CCDC7: variants seen among roughly 807,000 people sequenced by gnomAD.
The protein encoded by CCDC7 is coiled-coil domain containing 7, also known as coiled-coil domain-containing protein 7.
CCDC7 carries 183 observed loss-of-function variants against 196.9 expected under a neutral mutation model. The ratio of observed to expected loss-of-function variants is 0.93; its 90% CI spans 0.82 to 1.05. CCDC7 has a LOEUF of 1.05. Ranked by LOEUF, CCDC7 falls within the 50% of genes least tolerant of loss-of-function variation. The pLI, the probability that CCDC7 is intolerant of heterozygous loss-of-function variation, is 0.00. For missense variants in CCDC7, 1,540 were observed against 1,482.2 expected (o/e 1.04, Z -0.64); for synonymous variants, 525 against 484.6 (o/e 1.08, Z -1.10).
intron 5 of CCDC7, among the ~76,000 whole-genome samples, chr10:32,464,145 T>C (rs1171346752): frequency 6.6e-6 from 1 of 152,178 alleles, no homozygotes; most frequent in Non-Finnish European, 1.5e-5. Context: ...GACTTCCTCA[T>C]CTCCAAAGAT....
chr10:32,676,460 A>C (rs1345240796), intron 21 of CCDC7, among the ~76,000 whole-genome samples: 1 of 151,198 alleles, frequency 6.6e-6, no homozygotes, highest in African/African-American at 2.4e-5. Context: ...AAATTTTCGC[A>C]ACCTACTCAT....
chr10:32,723,906 G>A (rs571709876), intron 25 of CCDC7, among the ~76,000 whole-genome samples: 60 of 151,998 alleles, frequency 3.9e-4, no homozygotes, highest in Non-Finnish European at 8.2e-4. Context: ...GCTAACACTA[G>A]TAACTGGGTG....
intron 12 of CCDC7, 110 bp from the exon 14 acceptor site, chr10:32,544,137 T>TA (rs2052002101): frequency 2.2e-6 from 2 of 897,898 alleles, no homozygotes; most frequent in Admixed American, 2.9e-5. Context: ...ATGAATTTTT[T>TA]TAAAAAAACT....
At chr10:32,485,284 A>T (rs973636214) in intron 8 of CCDC7, among the ~76,000 whole-genome samples, 26 of 152,136 alleles carry the variant, frequency 1.7e-4, no homozygotes, top group Non-Finnish European at 3.4e-4. Context: ...ATTTGCATAG[A>T]GGTGTTTATA....
chr10:32,713,889 T>C (rs2081208921), intron 25 of CCDC7, among the ~76,000 whole-genome samples: 1 of 152,248 alleles, frequency 6.6e-6, no homozygotes, highest in South Asian at 2.1e-4. Flanking sequence ...CTGATTGACA[T>C]GACCTTAGGA....
chr10:32,680,405 T>C (rs2075689604), intron 21 of CCDC7, among the ~76,000 whole-genome samples: 1 of 151,622 alleles, frequency 6.6e-6, no homozygotes. Flanking sequence ...TGTTGGCCCA[T>C]AGGGACACAC....
chr10:32,578,514 A>G (rs2058443052), intron 16 of CCDC7, among the ~76,000 whole-genome samples: 1 of 151,376 alleles, frequency 6.6e-6, no homozygotes, highest in Non-Finnish European at 1.5e-5. Flanking sequence ...GATGGGAGAC[A>G]GTGACAGATC....
At chr10:32,848,450 A>C in intron 38 of CCDC7, 146 bp from the exon 40 acceptor site, 2 of 604,430 alleles carry the variant, frequency 3.3e-6, no homozygotes, top group Non-Finnish European at 5.7e-6. Flanking sequence ...CTACACAGAA[A>C]TTTAAGTAAT....
At chr10:32,762,781 A>T (rs1389826820) in intron 28 of CCDC7, among the ~76,000 whole-genome samples, 1 of 151,882 alleles carries the variant, frequency 6.6e-6, no homozygotes, top group South Asian at 2.1e-4. Flanking sequence ...TCTCTTTAAC[A>T]AATAGTGTTG....
At chr10:32,609,685 A>G (rs1205566574) in intron 18 of CCDC7, among the ~76,000 whole-genome samples, 2 of 152,116 alleles carry the variant, frequency 1.3e-5, no homozygotes, top group Non-Finnish European at 2.9e-5. Context: ...GTGGGAGGTG[A>G]CTGTATAATG....
At chr10:32,478,443 T>C (rs2039395516) in intron 8 of CCDC7, among the ~76,000 whole-genome samples, 1 of 152,188 alleles carries the variant, frequency 6.6e-6, no homozygotes, top group Non-Finnish European at 1.5e-5. Context: ...CTATAAACTT[T>C]CTGTAGATTT....
intron 18 of CCDC7, among the ~76,000 whole-genome samples, chr10:32,622,262 G>A (rs935822305): frequency 6.6e-6 from 1 of 152,026 alleles, no homozygotes; most frequent in Admixed American, 6.6e-5. Context: ...ACTTGCTCTG[G>A]CTAGTTTTAG....
intron 29 of CCDC7, among the ~76,000 whole-genome samples, chr10:32,786,060 C>T (rs1191261433): frequency 1.3e-5 from 2 of 152,126 alleles, no homozygotes; most frequent in Non-Finnish European, 2.9e-5. Context: ...ACTGCAAATA[C>T]TGTGAAAGGT....
intron 28 of CCDC7, among the ~76,000 whole-genome samples, chr10:32,745,969 T>A (rs967352561): frequency 2.6e-5 from 4 of 152,200 alleles, no homozygotes; most frequent in Non-Finnish European, 2.9e-5. Context: ...TGGGGGGCAC[T>A]GTTGTAATTG....
intron 14 of CCDC7, among the ~76,000 whole-genome samples, chr10:32,567,001 T>A (rs1589983449): frequency 7.5e-6 from 1 of 133,312 alleles, no homozygotes; most frequent in African/African-American, 2.7e-5. Context: ...TATAAAAAAA[T>A]ATCTTTGTGT....
At chr10:32,860,932 C>T (rs916228285) in intron 41 of CCDC7, among the ~76,000 whole-genome samples, 1 of 152,010 alleles carries the variant, frequency 6.6e-6, no homozygotes, top group Non-Finnish European at 1.5e-5. Flanking sequence ...AATGGAAAAA[C>T]ATTCCATGGT....
chr10:32,826,727 A>C (rs2091176963), intron 32 of CCDC7, among the ~76,000 whole-genome samples: 1 of 152,230 alleles, frequency 6.6e-6, no homozygotes, highest in Non-Finnish European at 1.5e-5. Flanking sequence ...CATGTTATGC[A>C]GGCACCACTC....
At chr10:32,564,160 A>G (rs368468581) in intron 13 of CCDC7, among the ~76,000 whole-genome samples, 3 of 152,208 alleles carry the variant, frequency 2.0e-5, no homozygotes, top group South Asian at 2.1e-4. Context: ...AACAGGTGCT[A>G]GAGAGGATGT....
chr10:32,735,867 T>C (rs1414496810), intron 28 of CCDC7, among the ~76,000 whole-genome samples: 1 of 152,198 alleles, frequency 6.6e-6, no homozygotes, highest in East Asian at 1.9e-4. Flanking sequence ...TCTTTGGTTA[T>C]ATTCATTTTT....
Sources: gnomAD v4.1 joint callset for allele counts (sites outside exome capture counted in the v4.1 genomes callset) on GRCh38, gnomAD v4.1.1 for gene constraint, MANE v1.5 for transcripts, NCBI Gene and HGNC (gene_info 2026-07-23, HGNC 2026-07-21) for gene names.